The following PCDHGA4 variants were observed in gnomAD, a reference collection of about 807,000 sequenced individuals.
PCDHGA4 encodes protocadherin gamma-A4.
PCDHGA4 carries 38 observed loss-of-function variants against 54.6 expected under a neutral mutation model. The observed-to-expected ratio is 0.70, with a 90% confidence interval of 0.54 to 0.91. PCDHGA4 has a LOEUF of 0.91. PCDHGA4 is among the 40% of genes least tolerant of loss of function. The probability of loss-of-function intolerance (pLI) is 0.00; values close to 1 mark genes in which losing one functional copy is unlikely to be tolerated. For synonymous variants in PCDHGA4, 511 were observed against 512.9 expected (o/e 1.00, Z 0.05); for missense variants, 1,298 against 1,220.9 (o/e 1.06, Z -0.94).
chr5:141,374,926 TG>T, intron 1 of PCDHGA4: 2 of 1,613,970 alleles, frequency 1.2e-6, no homozygotes, highest in Non-Finnish European at 1.7e-6. Context: ...CTTATTCCTT[TG>T]TGAAGATTAC....
rs1459105534 is a variant in PCDHGA4, at chr5:141,366,603, C to G, written c.2514+8982C>G. 2 of 1,614,226 alleles carry G rather than the reference C, an allele frequency of 1.2e-6. No individual in the cohort carries two copies. Among genetic ancestry groups the G allele is most frequent in the Non-Finnish European group, 1.7e-6 (2 of 1,180,034 alleles). ...CTGCAGACCTATTCCCACGAGGTCT[C>G]CCTCACCGCGGACTCGAGGAAGAGT... On this transcript the variant is annotated intron_variant, in intron 1 of 3. Transcript: ENST00000571252.
intron 1 of PCDHGA4, chr5:141,377,929 C>T: frequency 6.6e-6 from 1 of 152,184 alleles, no homozygotes; most frequent in East Asian, 1.9e-4. Flanking sequence ...CCACCTGTAA[C>T]TGCTGCTTAT....
intron 1 of PCDHGA4, among the ~76,000 whole-genome samples, chr5:141,470,729 G>T (rs1253040487): frequency 6.6e-6 from 1 of 152,102 alleles, no homozygotes; most frequent in Non-Finnish European, 1.5e-5. Context: ...TCAGGGTCTT[G>T]CTCTGTCGCC....
At chr5:141,378,173 C>A (rs1774684442) in intron 1 of PCDHGA4, 1 of 152,194 alleles carries the variant, frequency 6.6e-6, no homozygotes. Flanking sequence ...AATAACTAAG[C>A]ACCGATGCTG....
At chr5:141,508,535 C>CA (rs1426956469) in intron 3 of PCDHGA4, among the ~76,000 whole-genome samples, 1 of 152,172 alleles carries the variant, frequency 6.6e-6, no homozygotes, top group Admixed American at 6.5e-5. Flanking sequence ...GGGCACCCCC[C>CA]ACGAGGTGGG....
At chr5:141,407,707 G>A (rs894295431) in intron 1 of PCDHGA4, among the ~76,000 whole-genome samples, 1 of 151,964 alleles carries the variant, frequency 6.6e-6, no homozygotes, top group African/African-American at 2.4e-5. Flanking sequence ...TTGAAGGTGG[G>A]GTGATGGCTA....
intron 1 of PCDHGA4, among the ~76,000 whole-genome samples, chr5:141,474,114 C>T (rs940809934): frequency 2.6e-5 from 4 of 152,224 alleles, no homozygotes; most frequent in South Asian, 2.1e-4. Context: ...ACAACAACAA[C>T]GAAAATCTCA....
intron 1 of PCDHGA4, chr5:141,364,368 T>A (rs1474327704): frequency 6.4e-7 from 1 of 1,565,420 alleles, no homozygotes; most frequent in African/African-American, 1.4e-5. Flanking sequence ...TGCGGAGAGC[T>A]GCTGCTGCCC....
At chr5:141,430,837 C>G (rs1350348914) in intron 1 of PCDHGA4, 1 of 1,560,074 alleles carries the variant, frequency 6.4e-7, no homozygotes, top group Non-Finnish European at 8.6e-7. Context: ...TGTGGGAGAC[C>G]GGATGCACCC....
chr5:141,401,429 G>A lies in PCDHGA4; in HGVS notation c.2514+43808G>A, dbSNP rs1305820458. ...AGAGAAAGAGAGAGACTGATTCACT[G>A]AACTTAGAAGGTCCAAATCATCCAA... On this transcript the variant is annotated intron_variant, in intron 1 of 3. Coordinates refer to ENST00000571252, the MANE Select transcript of PCDHGA4 (RefSeq NM_018917.4). Among the ~76,000 whole-genome samples the A allele has an allele frequency of 2.6e-5, 4 of 152,182 alleles. No homozygotes were observed. In the East Asian group the frequency reaches 7.7e-4, roughly 29 times the overall value.
intron 2 of PCDHGA4, among the ~76,000 whole-genome samples, chr5:141,497,264 A>G (rs2154592078): frequency 6.6e-6 from 1 of 152,258 alleles, no homozygotes; most frequent in East Asian, 1.9e-4. Flanking sequence ...GAGAAGTTCT[A>G]GGCCATTTAT....
At chr5:141,371,928 G>C (rs1305933236) in intron 1 of PCDHGA4, 1 of 1,613,350 alleles carries the variant, frequency 6.2e-7, no homozygotes. Flanking sequence ...CGCGCGGAGC[G>C]GGGTGGTGTT....
chr5:141,415,247 C>G, intron 1 of PCDHGA4: 1 of 1,614,210 alleles, frequency 6.2e-7, no homozygotes. Context: ...TCTGAAACCT[C>G]AGACCTCACT....
chr5:141,393,789 G>T (rs889575374), intron 1 of PCDHGA4: 1 of 1,613,958 alleles, frequency 6.2e-7, no homozygotes, highest in African/African-American at 1.3e-5. Context: ...AGATGTGGGG[G>T]CACTTCTGGG....
At chr5:141,433,246 T>C (rs775015156) in intron 1 of PCDHGA4, 1 of 1,462,358 alleles carries the variant, frequency 6.8e-7, no homozygotes, top group Non-Finnish European at 9.3e-7. Flanking sequence ...CAAGCTGGAA[T>C]GCAGCGGTAC....
At chr5:141,405,545 AAGTAGAGTAGCTGGGACTAG>A (rs1053729516) in intron 1 of PCDHGA4, 17 of 631,162 alleles carry the variant, frequency 2.7e-5, no homozygotes, top group African/African-American at 9.2e-5. Flanking sequence ...TCAGCCTCCC[AAGTAGAGTAGCTGGGACTAG>A]AGTAGAGTAG....
At chr5:141,464,343 A>T (rs944042669) in intron 1 of PCDHGA4, among the ~76,000 whole-genome samples, 1 of 151,308 alleles carries the variant, frequency 6.6e-6, no homozygotes, top group South Asian at 2.1e-4. Flanking sequence ...ATGACTTGTC[A>T]TTTAGGTAGT....
chr5:141,415,740 G>GTTTTTTTTTTTTTTTTTTTTT (rs57426385), intron 1 of PCDHGA4: 5 of 625,024 alleles, frequency 8.0e-6, no homozygotes, highest in Non-Finnish European at 8.5e-6. Flanking sequence ...GTTTATTAAG[G>GTTTTTTTTTTTTTTTTTTTTT]TTTTTTTTTT....
chr5:141,415,740 G>GTTTT lies in PCDHGA4; in HGVS notation c.2514+58148_2514+58151dup, dbSNP rs57426385. ...TGAGTAGAATTTGATGTTTATTAAG[G>GTTTT]TTTTTTTTTTTTTTTTTTTTTTTTT... On this transcript the variant is annotated intron_variant, in intron 1 of 3. Transcript: ENST00000571252. 3.9e-3 allele frequency: 2,454 copies of GTTTT among 623,032 alleles called. 15 individuals carry two copies. Among genetic ancestry groups the GTTTT allele is most frequent in the South Asian group, 7.6e-3 (262 of 34,698 alleles). 38.6% of individuals were successfully genotyped at this position (623,032 alleles called of 1,614,324 possible).
Sources: gnomAD v4.1 joint callset for allele counts (sites outside exome capture counted in the v4.1 genomes callset) on GRCh38, gnomAD v4.1.1 for gene constraint, MANE v1.5 for transcripts, NCBI Gene and HGNC (gene_info 2026-07-23, HGNC 2026-07-21) for gene names.